Variants in ZNF44 observed in about 807,000 individuals in gnomAD.
The protein encoded by ZNF44 is zinc finger protein 44, also known as gonadotropin inducible transcription repressor-2.
Under a neutral mutation model 11.7 loss-of-function variants are expected in ZNF44, and 9 were observed. The ratio of observed to expected loss-of-function variants is 0.77; its 90% CI spans 0.46 to 1.35. The LOEUF (loss-of-function observed/expected upper bound fraction) is 1.35, where lower values mean the gene tolerates loss of function less well. Among genes scored for constraint, ZNF44 ranks in the 40% most tolerant of loss-of-function variants. The pLI is 0.00. For missense variants in ZNF44, 696 were observed against 743.1 expected, an observed-to-expected ratio of 0.94 and a Z score of 0.74; for synonymous variants, 224 against 242.7, an observed-to-expected ratio of 0.92 and a Z score of 0.72.
intron 5 of ZNF44, among the ~76,000 whole-genome samples, chr19:12,261,866 T>G (rs1353375192): frequency 6.6e-6 from 1 of 152,186 alleles, no homozygotes; most frequent in Non-Finnish European, 1.5e-5. Flanking sequence ...TAAACCTTTG[T>G]GTGTATTTTA....
downstream of ZNF44, chr19:12,247,351 A>G (rs1226752211): frequency 4.6e-6 from 6 of 1,295,546 alleles, no homozygotes; most frequent in Non-Finnish European, 6.1e-6. Context: ...CAATCCTTAC[A>G]TTTATAAGGT....
At chr19:12,248,732 A>G (rs1916858860) in intron 7 of ZNF44, 1 of 1,021,578 alleles carries the variant, frequency 9.8e-7, no homozygotes, top group Non-Finnish European at 1.3e-6. Context: ...TTTTCTCTTT[A>G]TTAACTGATA....
intron 2 of ZNF44, among the ~76,000 whole-genome samples, chr19:12,231,975 G>A (rs1372676434): frequency 2.0e-5 from 3 of 152,158 alleles, no homozygotes; most frequent in Non-Finnish European, 4.4e-5. Flanking sequence ...GGAGGATCCC[G>A]CCAGCCTCTG....
chr19:12,249,853 G>A (rs1284482603), intron 7 of ZNF44: 1 of 682,538 alleles, frequency 1.5e-6, no homozygotes, highest in Non-Finnish European at 2.1e-6. Flanking sequence ...CGCTAGCTGG[G>A]TTAATATTTT....
intron 1 of ZNF44, among the ~76,000 whole-genome samples, chr19:12,287,269 G>A (rs908142300): frequency 7.9e-5 from 12 of 151,484 alleles, no homozygotes; most frequent in African/African-American, 1.9e-4. Flanking sequence ...TCCTTGAGAC[G>A]GAATCTCGCT....
At chr19:12,265,958 G>A (rs1432935307) in intron 5 of ZNF44, among the ~76,000 whole-genome samples, 1 of 152,210 alleles carries the variant, frequency 6.6e-6, no homozygotes. Context: ...CACCCAAGGC[G>A]GGAATTCTCC....
chr19:12,235,483 C>T (rs1916348970), intron 1 of ZNF44, among the ~76,000 whole-genome samples: 1 of 152,216 alleles, frequency 6.6e-6, no homozygotes, highest in African/African-American at 2.4e-5. Flanking sequence ...CAGAATCCTA[C>T]TGCCAAAACT....
chr19:12,260,218 T>C lies in ZNF44; in HGVS notation c.1913-9850A>G, dbSNP rs959450831. 6.0e-5 allele frequency: 47 copies of C among 784,120 alleles called. No homozygotes were observed. The Middle Eastern group carries it at 1.1e-3, about 18-fold the overall frequency. 48.6% of individuals were successfully genotyped at this position (784,120 alleles called of 1,614,324 possible). ...GACCTACAGCACCAAGCCCAGTAAC[T>C]TGAAGGCCCCAGCTCCTTCCGCTAC... On this transcript the variant is annotated intron_variant and NMD_transcript_variant, in intron 5 of 7. Coordinates refer to the ZNF44 transcript ENST00000393337.
intron 5 of ZNF44, among the ~76,000 whole-genome samples, chr19:12,263,011 G>A (rs1004472884): frequency 7.9e-5 from 12 of 152,012 alleles, no homozygotes; most frequent in Admixed American, 3.3e-4. Flanking sequence ...CCATTAAGGT[G>A]TAACACCTAG....
At position 12,276,070 on chromosome 19, in the gene ZNF44, A is replaced by C; in HGVS notation, c.16T>G (p.Phe6Val). MDSVA[F>V]EDVAVNFTHE... is the part of the protein sequence containing the mutation. ...GTGAAGTTCACAGCCACATCCTCAA[A>C]GGCCACTGAGTCCTGAAACATCCCA... Residue 6 changes from phenylalanine (F) to valine (V), a missense_variant, in exon 2 of 4, where the codon TTT (phenylalanine) becomes GTT (valine). Transcript: ENST00000355684. The C allele has an allele frequency of 6.2e-7, 1 of 1,605,780 alleles. No homozygotes were observed. The highest frequency in any genetic ancestry group is 8.5e-7 in the Non-Finnish European group (1 of 1,174,434).
chr19:12,274,566 G>T (rs1011068110), intron 3 of ZNF44, among the ~76,000 whole-genome samples: 1 of 150,110 alleles, frequency 6.7e-6, no homozygotes, highest in Admixed American at 6.6e-5. Flanking sequence ...AAGCCACTGC[G>T]CCTGGCCTTT....
rs899391963 is a variant in ZNF44 at position 12,266,221 on chromosome 19, G to A, written c.1912+6266C>T. 2.7e-5 allele frequency: 27 copies of A among 983,234 alleles called. No homozygotes were observed. In the African/African-American group the frequency reaches 3.7e-4, roughly 13 times the overall value. The allele number at this position is 983,234 out of a possible 1,614,324, so 60.9% of individuals were successfully genotyped here. ...GGGAGGCCCGGGTCCCGCCACAGCCGGTCCCAGCCAGCCCCTCCTCCCGCG... is the reference window on the plus strand; with the variant it reads ...GGGAGGCCCGGGTCCCGCCACAGCCAGTCCCAGCCAGCCCCTCCTCCCGCG... On this transcript the variant is annotated intron_variant and NMD_transcript_variant, in intron 5 of 7. Transcript: ENST00000393337.
chr19:12,274,966 A>T lies in ZNF44; in HGVS notation c.191+7T>A. The T allele has an allele frequency of 6.3e-7, 1 of 1,582,700 alleles. No individual in the cohort carries two copies. Among genetic ancestry groups the T allele is most frequent in the South Asian group, 1.2e-5 (1 of 86,242 alleles). On this transcript the variant is annotated splice_region_variant and intron_variant, in intron 3 of 3. Transcript: ENST00000355684. Reference sequence around the variant, plus strand: ...GACATCACCTGTCTCTTATAAGTACAAATTACCTTGGATTTCTCCTGAGAT... The same window carrying T: ...GACATCACCTGTCTCTTATAAGTACTAATTACCTTGGATTTCTCCTGAGAT...
At chr19:12,284,739 G>C in intron 1 of ZNF44, 2 of 761,554 alleles carry the variant, frequency 2.6e-6, no homozygotes, top group Non-Finnish European at 4.6e-6. Flanking sequence ...GTGCTCCAAG[G>C]AGGCAGCCAC....
chr19:12,248,193 T>C, exon 8 of ZNF44: 1 of 1,308,076 alleles, frequency 7.6e-7, no homozygotes, highest in Non-Finnish European at 1.0e-6. Flanking sequence ...TTCCTTACAT[T>C]TGTAGGGTTT....
intron 1 of ZNF44, among the ~76,000 whole-genome samples, chr19:12,284,181 T>C (rs1967613737): frequency 6.6e-6 from 1 of 152,182 alleles, no homozygotes; most frequent in African/African-American, 2.4e-5. Context: ...TGAGAATTAT[T>C]TCACAGATGA....
chr19:12,291,172 C>T (rs1172513432), intron 1 of ZNF44: 9 of 432,560 alleles, frequency 2.1e-5, no homozygotes, highest in Non-Finnish European at 4.1e-5. Context: ...TTGCAAAGTC[C>T]CACAGAATGT....
exon 8 of ZNF44, chr19:12,247,787 T>C: frequency 1.5e-6 from 2 of 1,303,432 alleles, no homozygotes; most frequent in Non-Finnish European, 2.0e-6. Flanking sequence ...AGGGTTTATC[T>C]CCAGTGTGAG....
rs529336899 is a variant in ZNF44 at position 12,256,865 on chromosome 19, G to A, written c.1913-6497C>T. Among the ~76,000 whole-genome samples the A allele has an allele frequency of 7.3e-5, 11 of 151,724 alleles. 1 individual carries two copies. The highest frequency in any genetic ancestry group is 3.9e-4 in the East Asian group (2 of 5,116). ...GATTACAGGCGCTCACCATCACACCGGGCAAATTTTTGCATTTTTTAAAGT... is the reference window on the plus strand; with the variant it reads ...GATTACAGGCGCTCACCATCACACCAGGCAAATTTTTGCATTTTTTAAAGT... On this transcript the variant is annotated intron_variant and NMD_transcript_variant, in intron 5 of 7. Transcript: ENST00000393337.
Sources: gnomAD v4.1 joint callset for allele counts (sites outside exome capture counted in the v4.1 genomes callset) on GRCh38, gnomAD v4.1.1 for gene constraint, MANE v1.5 for transcripts, NCBI Gene and HGNC (gene_info 2026-07-23, HGNC 2026-07-21) for gene names.